SH3RF1: variants seen among roughly 807,000 people sequenced by gnomAD.
The protein encoded by SH3RF1 is E3 ubiquitin-protein ligase SH3RF1.
SH3RF1 carries 32 observed loss-of-function variants against 74.0 expected under a neutral mutation model. The ratio of observed to expected loss-of-function variants is 0.43; its 90% CI spans 0.33 to 0.58. The LOEUF (loss-of-function observed/expected upper bound fraction) is 0.58, where lower values mean the gene tolerates loss of function less well. Ranked by LOEUF, SH3RF1 falls within the 20% of genes least tolerant of loss-of-function variation. The probability of loss-of-function intolerance (pLI) is 0.05; values close to 1 mark genes in which losing one functional copy is unlikely to be tolerated. For synonymous variants in SH3RF1, 396 were observed against 439.6 expected, an observed-to-expected ratio of 0.90 and a Z score of 1.24; for missense variants, 954 against 1,130.9, an observed-to-expected ratio of 0.84 and a Z score of 2.24.
intron 7 of SH3RF1, among the ~76,000 whole-genome samples, chr4:169,121,753 C>T (rs1461731168): frequency 2.6e-5 from 4 of 152,200 alleles, no homozygotes; most frequent in African/African-American, 9.7e-5. Flanking sequence ...AAGCTTTTTA[C>T]ATTCACACTG....
intron 11 of SH3RF1, among the ~76,000 whole-genome samples, chr4:169,102,577 T>C (rs1733058577): frequency 2.6e-5 from 4 of 152,104 alleles, no homozygotes. Context: ...TTGCCATCCC[T>C]TCTGAAATAT....
intron 4 of SH3RF1, among the ~76,000 whole-genome samples, chr4:169,146,375 G>A (rs935945197): frequency 1.1e-4 from 16 of 151,034 alleles, no homozygotes; most frequent in Admixed American, 5.3e-4. Flanking sequence ...TATTACAGGC[G>A]CATGCCACCA....
chr4:169,164,690 C>G (rs923380182), intron 2 of SH3RF1, among the ~76,000 whole-genome samples: 3 of 152,200 alleles, frequency 2.0e-5, no homozygotes, highest in Non-Finnish European at 4.4e-5. Flanking sequence ...GACACTGGAA[C>G]TAAAACATAG....
chr4:169,123,242 G>GT (rs1004160729), intron 6 of SH3RF1, among the ~76,000 whole-genome samples: 1 of 151,826 alleles, frequency 6.6e-6, no homozygotes, highest in Non-Finnish European at 1.5e-5. Flanking sequence ...TCTTATTTCT[G>GT]TTTTTTGGAA....
At chr4:169,115,393 G>A (rs1262441031) in intron 10 of SH3RF1, among the ~76,000 whole-genome samples, 2 of 152,132 alleles carry the variant, frequency 1.3e-5, no homozygotes, top group Non-Finnish European at 1.5e-5. Flanking sequence ...CCTGAGCTCC[G>A]CCTCCTGTCA....
Position 169,130,113 on chromosome 4 carries a change from C to G in SH3RF1, c.1112G>C (p.Ser371Thr), listed in dbSNP as rs891189162. ...CGAGGGGCCAGTTGTCACTGGGCTG[C>G]TTGGGGGCGGGGTCACAATTAACCC... ...TTGLIVTPPP[S>T]SPVTTGPSFT... Residue 371 changes from serine (S) to threonine (T), a missense_variant, in exon 6 of 12, where the codon AGC becomes ACC. By Grantham distance (58) the Ser-to-Thr change is moderately conservative. Around this residue, in one of 3 missense-constraint regions of SH3RF1, gnomAD observed 854 missense variants for 962.5 expected, o/e 0.89. Transcript: ENST00000284637. 6.8e-6 allele frequency: 11 copies of G among 1,608,074 alleles called. No homozygotes were observed. The highest frequency in any genetic ancestry group is 9.3e-6 in the Non-Finnish European group (11 of 1,178,134).
intron 2 of SH3RF1, chr4:169,166,752 G>T: frequency 4.7e-6 from 1 of 214,018 alleles, no homozygotes; most frequent in Admixed American, 5.3e-5. Flanking sequence ...CAAGAGAATG[G>T]TTTTCCCGAA....
Position 169,183,437 on chromosome 4 carries a change from T to C in SH3RF1, c.394-26758A>G, listed in dbSNP as rs529365359. Among the ~76,000 whole-genome samples the C allele has an allele frequency of 1.6e-3, 247 of 152,200 alleles. 1 individual carries two copies. Among genetic ancestry groups the C allele is most frequent in the African/African-American group, 5.6e-3 (232 of 41,568 alleles). On this transcript the variant is annotated intron_variant, in intron 2 of 11. Coordinates refer to ENST00000284637, the MANE Select transcript of SH3RF1 (RefSeq NM_020870.4). ...CTGGGATTACAAGCACTTGCCACCA[T>C]GCCCAGCTAATTTTTGTATTTTTAG...
chr4:169,179,614 T>C (rs910598743), intron 2 of SH3RF1, among the ~76,000 whole-genome samples: 2 of 152,206 alleles, frequency 1.3e-5, no homozygotes, highest in Non-Finnish European at 2.9e-5. Context: ...CTTCAGGTTA[T>C]ATACGGATAA....
intron 10 of SH3RF1, among the ~76,000 whole-genome samples, chr4:169,114,939 T>C (rs17544108): frequency 0.097 from 14,779 of 152,160 alleles, 928 homozygotes; most frequent in South Asian, 0.17. Flanking sequence ...CCAGAACTGG[T>C]ATAGAACTTC....
intron 2 of SH3RF1, among the ~76,000 whole-genome samples, chr4:169,197,740 CT>C (rs35153274): frequency 3.3e-5 from 5 of 151,642 alleles, no homozygotes; most frequent in Admixed American, 2.0e-4. Context: ...CTTACTGACA[CT>C]TTTTTTTATA....
chr4:169,104,901 CAAAA>C (rs35396121), intron 11 of SH3RF1, among the ~76,000 whole-genome samples: 2 of 89,132 alleles, frequency 2.2e-5, no homozygotes, highest in Admixed American at 2.7e-4. Flanking sequence ...ACTCCCATCT[CAAAA>C]AAAAAAAAAA....
intron 4 of SH3RF1, among the ~76,000 whole-genome samples, chr4:169,152,746 A>G (rs1302350908): frequency 6.6e-6 from 1 of 152,180 alleles, no homozygotes; most frequent in Non-Finnish European, 1.5e-5. Flanking sequence ...TCAAAAAATA[A>G]AAAAGGAGAT....
chr4:169,193,265 T>C (rs1275320242), intron 2 of SH3RF1, among the ~76,000 whole-genome samples: 1 of 152,072 alleles, frequency 6.6e-6, no homozygotes, highest in East Asian at 1.9e-4. Context: ...ACACCATCCA[T>C]TCCCCAATAA....
At chr4:169,114,047 G>A (rs1043851575) in intron 10 of SH3RF1, among the ~76,000 whole-genome samples, 3 of 152,142 alleles carry the variant, frequency 2.0e-5, no homozygotes, top group Admixed American at 6.5e-5. Context: ...AATGGGGCAC[G>A]CACCTAGGCA....
At chr4:169,254,115 C>T (rs917517417) in intron 2 of SH3RF1, among the ~76,000 whole-genome samples, 2 of 152,168 alleles carry the variant, frequency 1.3e-5, no homozygotes, top group Non-Finnish European at 2.9e-5. Context: ...TGTGAATAAG[C>T]TTACCAAAAT....
intron 4 of SH3RF1, among the ~76,000 whole-genome samples, chr4:169,143,033 T>C (rs1733812158): frequency 6.6e-6 from 1 of 152,156 alleles, no homozygotes; most frequent in Middle Eastern, 3.2e-3. Flanking sequence ...TCTTTTAAAA[T>C]TGATATGAAA....
intron 2 of SH3RF1, among the ~76,000 whole-genome samples, chr4:169,222,991 T>C (rs891429850): frequency 6.6e-6 from 1 of 152,182 alleles, no homozygotes; most frequent in Non-Finnish European, 1.5e-5. Context: ...CCCTCGTGGT[T>C]TGCCCAGCTG....
Position 169,094,785 on chromosome 4 carries a change from T to TAA in SH3RF1, c.*1732_*1733dup, listed in dbSNP as rs74271249. The TAA allele has an allele frequency of 6.6e-6, 1 of 150,940 alleles. No homozygotes were observed. The allele number at this position is 150,940 out of a possible 1,614,324, so 9.4% of individuals were successfully genotyped here. ...GAACATAATATACATTGTTTTTTTT[T>TAA]AAAAAAAAGGTTAATTTAGGAATGA... On this transcript the variant is annotated 3_prime_UTR_variant, in exon 12 of 12. Coordinates refer to ENST00000284637, the MANE Select transcript of SH3RF1 (RefSeq NM_020870.4).
Sources: gnomAD v4.1 joint callset for allele counts (sites outside exome capture counted in the v4.1 genomes callset) on GRCh38, gnomAD v4.1.1 for gene constraint, gnomAD v4.1.1 regional missense constraint, MANE v1.5 for transcripts, NCBI Gene and HGNC (gene_info 2026-07-23, HGNC 2026-07-21) for gene names.